Variants in ARHGAP39 observed in about 807,000 individuals in gnomAD.
ARHGAP39 encodes Rho GTPase activating protein 39.
In ARHGAP39, 44 loss-of-function variants were observed where a neutral mutation model predicts 106.9. The observed-to-expected ratio is 0.41, with a 90% CI of 0.32 to 0.53. ARHGAP39 has a LOEUF of 0.53. ARHGAP39 is among the 20% of genes least tolerant of loss of function. The probability of loss-of-function intolerance (pLI) is 0.21; values close to 1 mark genes in which losing one functional copy is unlikely to be tolerated. For missense variants in ARHGAP39, 1,496 were observed against 1,577.3 expected (o/e 0.95, Z 0.87); for synonymous variants, 768 against 693.2 (o/e 1.11, Z -1.69).
intron 3 of ARHGAP39, among the ~76,000 whole-genome samples, chr8:144,575,210 C>T (rs1370919052): frequency 6.6e-6 from 1 of 152,114 alleles, no homozygotes; most frequent in African/African-American, 2.4e-5. Flanking sequence ...GGTGAGTGAG[C>T]CCTGGATATC....
In ARHGAP39 at chr8:144,646,470, G is replaced by A. The variant is rs1300138200; in HGVS notation, c.-82+39216C>T. On this transcript the variant is annotated intron_variant, in intron 1 of 11. Transcript: ENST00000377307. The surrounding 1 kb of genome is among the most constrained non-coding windows in gnomAD (Gnocchi z 5.7). ...AAATTTTAAAAAATCACCAAAAAAA[G>A]TGTGGAGAAAATAGAAAGAAATGAG... Among the ~76,000 whole-genome samples the A allele has an allele frequency of 1.3e-5, 2 of 152,120 alleles. No homozygotes were observed. The highest frequency in any genetic ancestry group is 2.4e-5 in the African/African-American group (1 of 41,404).
rs548672475 is a variant in ARHGAP39, at chr8:144,596,780, C to T, written c.80+8755G>A. On this transcript the variant is annotated intron_variant, in intron 2 of 11. Transcript: ENST00000377307. ...ACACAGACAGAGGACCCACTGGTGCCGCAGGACCTGGCACGTGCTGCAGGA... is the reference window on the plus strand; with the variant it reads ...ACACAGACAGAGGACCCACTGGTGCTGCAGGACCTGGCACGTGCTGCAGGA... Among the ~76,000 whole-genome samples, 25 of 152,280 alleles carry T rather than the reference C, an allele frequency of 1.6e-4. No homozygotes were observed. The South Asian group carries it at 4.6e-3, about 28-fold the overall frequency.
rs542132129 is a variant in ARHGAP39 at position 144,538,863 on chromosome 8, G to T, written c.2522-1050C>A. ...TGGGATTACAGGTGTGAGCCACTGCGCCCGGCCTACTTATGGATTTTACTT... is the reference window on the plus strand; with the variant it reads ...TGGGATTACAGGTGTGAGCCACTGCTCCCGGCCTACTTATGGATTTTACTT... On this transcript the variant is annotated intron_variant, in intron 6 of 11. Transcript: ENST00000377307. Among the ~76,000 whole-genome samples, 3 of 152,260 alleles carry T rather than the reference G, an allele frequency of 2.0e-5. No individual in the cohort carries two copies. In the South Asian group the frequency reaches 6.2e-4, roughly 32 times the overall value.
the ARHGAP39 span, among the ~76,000 whole-genome samples, chr8:144,697,100 G>A: frequency 6.6e-5 from 10 of 152,208 alleles, no homozygotes; most frequent in East Asian, 1.9e-4. Context: ...CGAGGCAGGC[G>A]GATCACTTGA....
At chr8:144,565,928 CAA>C (rs796671932) in intron 3 of ARHGAP39, among the ~76,000 whole-genome samples, 1 of 53,252 alleles carries the variant, frequency 1.9e-5, no homozygotes. Context: ...CCCAACTCTA[CAA>C]AAAAAAAAAA....
intron 1 of ARHGAP39, among the ~76,000 whole-genome samples, chr8:144,680,176 A>G (rs887692809): frequency 2.0e-5 from 3 of 152,082 alleles, no homozygotes. Context: ...TTCCCTCTTC[A>G]TATCCCACTG....
chr8:144,691,700 T>C, the ARHGAP39 span, among the ~76,000 whole-genome samples: 1 of 152,098 alleles, frequency 6.6e-6, no homozygotes, highest in African/African-American at 2.4e-5. Flanking sequence ...CCACAATGCA[T>C]TGCAATCCTA....
At position 144,548,515 on chromosome 8, in the gene ARHGAP39, GTGAC is replaced by G; in HGVS notation, c.597-30_597-27del. On this transcript the variant is annotated intron_variant, in intron 4 of 11. Transcript: ENST00000377307. This position sits in a 1 kb window ranked among gnomAD's most constrained non-coding sequence, Gnocchi z 7.4. ...CTGCGTGGGGGGTGGACGGGCACAG[GTGAC>G]TGCCTGCCTGCTGCTTCTGGGCACG... 1 of 1,597,192 alleles carries G rather than the reference GTGAC, an allele frequency of 6.3e-7. No homozygotes were observed. Among genetic ancestry groups the G allele is most frequent in the Non-Finnish European group, 8.5e-7 (1 of 1,174,420 alleles).
rs773838044 is a variant in ARHGAP39, at chr8:144,548,646, G to T, written c.597-157C>A. Among the ~76,000 whole-genome samples the T allele has an allele frequency of 9.2e-5, 14 of 152,076 alleles. 1 individual carries two copies. Among genetic ancestry groups the T allele is most frequent in the Admixed American group, 3.3e-4 (5 of 15,260 alleles). On this transcript the variant is annotated intron_variant, in intron 4 of 11. Coordinates refer to ENST00000377307, the MANE Select transcript of ARHGAP39 (RefSeq NM_025251.3). This position sits in a 1 kb window ranked among gnomAD's most constrained non-coding sequence, Gnocchi z 7.4. ...GCCTGGCGCCCCTCACACCTGCCTT[G>T]CCCCAGCACCCCCAGCCCTCCCTCT...
chr8:144,583,086 C>A lies in ARHGAP39; in HGVS notation c.81-1809G>T, dbSNP rs537817955. 3.3e-5 allele frequency among the ~76,000 whole-genome samples: 5 copies of A among 152,156 alleles called. No individual in the cohort carries two copies. The East Asian group carries it at 7.7e-4, about 24-fold the overall frequency. The stretch of plus-strand genomic sequence containing the variant: ...AACCACACGCAACAGGGGCCACCCC[C>A]GCTCTGGTCCGTGCTTTCCCTTCTC... On this transcript the variant is annotated intron_variant, in intron 2 of 11. Transcript: ENST00000377307.
chr8:144,604,739 A>G lies in ARHGAP39; in HGVS notation c.80+796T>C, dbSNP rs57857229. The stretch of plus-strand genomic sequence containing the variant: ...CAGAGCTGACCTGGAGGCATGGGAC[A>G]CTGGCTGAGACGGGACAGGGCCAGA... On this transcript the variant is annotated intron_variant, in intron 2 of 11. Coordinates refer to ENST00000377307, the MANE Select transcript of ARHGAP39 (RefSeq NM_025251.3). The surrounding 1 kb of genome is among the most constrained non-coding windows in gnomAD (Gnocchi z 4.1). Among the ~76,000 whole-genome samples, 11,478 of 152,224 alleles carry G rather than the reference A, an allele frequency of 0.075. 796 individuals carry two copies. The highest frequency in any genetic ancestry group is 0.18 in the African/African-American group (7,476 of 41,494).
intron 1 of ARHGAP39, among the ~76,000 whole-genome samples, chr8:144,618,590 G>A (rs1365243531): frequency 6.6e-5 from 10 of 152,232 alleles, no homozygotes; most frequent in Non-Finnish European, 1.3e-4. Flanking sequence ...CCCCGAGGAC[G>A]CGCCTCAGCC....
Position 144,645,282 on chromosome 8 carries a change from A to T in ARHGAP39, c.-81-39587T>A, listed in dbSNP as rs767236912. Among the ~76,000 whole-genome samples the T allele has an allele frequency of 1.8e-4, 27 of 152,252 alleles. No individual in the cohort carries two copies. Among genetic ancestry groups the T allele is most frequent in the Admixed American group, 3.9e-4 (6 of 15,290 alleles). ...GGACACTACATGAACTGAAGGCACG[A>T]GAAGTCCAGGTGTCAAGGAGAGGTT... On this transcript the variant is annotated intron_variant, in intron 1 of 11. Coordinates refer to ENST00000377307, the MANE Select transcript of ARHGAP39 (RefSeq NM_025251.3). This position sits in a 1 kb window ranked among gnomAD's most constrained non-coding sequence, Gnocchi z 4.4.
chr8:144,620,348 T>C (rs1186469702), intron 1 of ARHGAP39, among the ~76,000 whole-genome samples: 1 of 44 alleles, frequency 0.023, no homozygotes. Context: ...CAAGGGAGCG[T>C]GTGTGCCCGT....
the ARHGAP39 span, chr8:144,698,482 G>A: frequency 5.7e-6 from 1 of 175,626 alleles, no homozygotes; most frequent in African/African-American, 2.4e-5. Flanking sequence ...CTTTTTCTGT[G>A]GCTTGGAAGA....
intron 1 of ARHGAP39, among the ~76,000 whole-genome samples, chr8:144,677,124 T>C (rs1822262988): frequency 6.6e-6 from 1 of 152,234 alleles, no homozygotes; most frequent in Non-Finnish European, 1.5e-5. Context: ...CACTTCCTTT[T>C]ATTGCCAAAT....
In ARHGAP39 at chr8:144,633,286, G is replaced by A. The variant is rs911942602; in HGVS notation, c.-81-27591C>T. On this transcript the variant is annotated intron_variant, in intron 1 of 11. Transcript: ENST00000377307. ...ATCCTGGCCAACATGGTGAAACCCC[G>A]TCTCTACTAAAAACACAGAAAAATT... Among the ~76,000 whole-genome samples, 4 of 152,010 alleles carry A rather than the reference G, an allele frequency of 2.6e-5. No homozygotes were observed. In the East Asian group the frequency reaches 5.8e-4, roughly 22 times the overall value.
At chr8:144,561,838 G>A (rs150428939) in intron 3 of ARHGAP39, among the ~76,000 whole-genome samples, 2,399 of 127,586 alleles carry the variant, frequency 0.019, 129 homozygotes, top group African/African-American at 0.073. Context: ...TTTCCATCGG[G>A]CTCCAGTGGT....
rs1202416464 is a variant in ARHGAP39, at chr8:144,534,165, G to T, written c.2652C>A (p.His884Gln). 2 of 1,613,480 alleles carry T rather than the reference G, an allele frequency of 1.2e-6. No individual in the cohort carries two copies. Among genetic ancestry groups the T allele is most frequent in the Non-Finnish European group, 8.5e-7 (1 of 1,179,852 alleles). The change falls in exon 8 of 12, where the codon CAC becomes CAA. Residue 884 changes from histidine (H) to glutamine (Q), a missense_variant. Coordinates refer to ENST00000377307, the MANE Select transcript of ARHGAP39 (RefSeq NM_025251.3). ...AISTYAKYCY[H>Q]KLQKAALTGA... ...CGGTCAGGGCTGCCTTCTGTAGCTT[G>T]TGGTAACAGTACTTGGCATACGTGC...
Sources: allele counts gnomAD v4.1 joint callset (sites outside exome capture counted in the v4.1 genomes callset), GRCh38; gene constraint gnomAD v4.1.1; non-coding constraint Gnocchi (gnomAD v3.1); transcripts MANE v1.5; gene names NCBI Gene and HGNC (gene_info 2026-07-23, HGNC 2026-07-21).